Variants in LLGL1 observed in about 807,000 individuals in gnomAD.
LLGL1 encodes the protein lethal(2) giant larvae protein homolog 1.
In LLGL1, 58 loss-of-function variants were observed where a neutral mutation model predicts 110.6. The observed-to-expected ratio is 0.52, with a 90% confidence interval of 0.42 to 0.65. LLGL1 has a LOEUF of 0.65. Among genes scored for constraint, LLGL1 ranks in the 30% least tolerant of loss-of-function variants. The pLI is 0.00. For missense variants in LLGL1, 1,229 were observed against 1,462.1 expected (o/e 0.84, Z 2.60); for synonymous variants, 674 against 607.2 (o/e 1.11, Z -1.62).
intron 3 of LLGL1, 36 bp downstream of exon 3, chr17:18,232,612 G>T: frequency 6.2e-7 from 1 of 1,613,970 alleles, no homozygotes; most frequent in Non-Finnish European, 8.5e-7. Context: ...GCTCCCTGTG[G>T]CCCCCATATC....
Position 18,242,202 on chromosome 17 carries a change from T to C in LLGL1, c.2919T>C (p.Ala973=), listed in dbSNP as rs1019229880. Residue 973 remains alanine, a synonymous_variant, in exon 20 of 23, where the codon GCT becomes GCC. Coordinates refer to ENST00000316843, the MANE Select transcript of LLGL1 (RefSeq NM_004140.4). ...GAGAGTCACCCAAGCTGAGCCAGGC[T>C]AACGGGACCCCAAGCATCCTGCTGG... ...RIRESPKLSQ[A]NGTPSILLAP... 1.2e-5 allele frequency: 20 copies of C among 1,613,870 alleles called. No individual in the cohort carries two copies. Among genetic ancestry groups the C allele is most frequent in the Non-Finnish European group, 1.7e-5 (20 of 1,179,960 alleles).
In LLGL1 at chr17:18,234,281, G is replaced by A; in HGVS notation, c.723G>A (p.Glu241=). ...CCCCTGCCTGCCCGCAGCAGCTGGA[G>A]AGCCTATGCTGGGGGCGTGATAGCA... The part of the protein sequence containing the change: ...DHIFLGNQQL[E]SLCWGRDSST... The change falls in exon 7 of 23, where the codon GAG becomes GAA. Residue 241 remains glutamate (E), a synonymous_variant. Transcript: ENST00000316843. 6.2e-7 allele frequency: 1 copy of A among 1,603,100 alleles called. No homozygotes were observed. The highest frequency in any genetic ancestry group is 8.5e-7 in the Non-Finnish European group (1 of 1,175,036).
intron 4 of LLGL1, among the ~76,000 whole-genome samples, chr17:18,233,230 G>T (rs2047607988): frequency 6.6e-6 from 1 of 152,206 alleles, no homozygotes; most frequent in Non-Finnish European, 1.5e-5. Flanking sequence ...GCAGGGTTGA[G>T]GGCAAGGAGG....
intron 22 of LLGL1, among the ~76,000 whole-genome samples, chr17:18,243,318 A>G (rs1412790808): frequency 6.6e-6 from 1 of 152,166 alleles, no homozygotes; most frequent in East Asian, 1.9e-4. Flanking sequence ...TGTGTTAGCC[A>G]GGATGGTCTC....
rs1405743396 is a variant in LLGL1, at chr17:18,241,841, G to T, written c.2768-44G>T. The T allele has an allele frequency of 4.4e-6, 7 of 1,602,440 alleles. No homozygotes were observed. The South Asian group carries it at 7.7e-5, about 18-fold the overall frequency. ...CCCAGGCCACGGAGGAGCTGTGGTT[G>T]GTGGTATCTTCTAACTGCACTCCTC... is the stretch of plus-strand genomic sequence containing the variant. On this transcript the variant is annotated intron_variant, in intron 18 of 22. Transcript: ENST00000316843.
Position 18,232,776 on chromosome 17 carries a change from C to T in LLGL1, c.366C>T (p.Pro122=), listed in dbSNP as rs779103348. The T allele has an allele frequency of 2.7e-5, 43 of 1,613,936 alleles. No individual in the cohort carries two copies. The highest frequency in any genetic ancestry group is 3.5e-5 in the Non-Finnish European group (41 of 1,180,038). Residue 122 remains proline (P), a synonymous_variant, in exon 4 of 23, where the codon CCC becomes CCT. Transcript: ENST00000316843. ...HLEEALSFQL[P]SRPGFDGASA... ...AAGAAGCACTCAGTTTCCAGCTGCC[C>T]AGCCGGCCCGGCTTTGATGGTGCCA...
intron 1 of LLGL1, among the ~76,000 whole-genome samples, chr17:18,227,094 G>A (rs2047460335): frequency 6.6e-6 from 1 of 152,210 alleles, no homozygotes; most frequent in South Asian, 2.1e-4. Flanking sequence ...GCCCTGGGCT[G>A]CCTTGAGGAG....
chr17:18,226,028 G>C (rs2047432582), intron 1 of LLGL1, among the ~76,000 whole-genome samples: 2 of 152,028 alleles, frequency 1.3e-5, no homozygotes, highest in African/African-American at 4.8e-5. Context: ...CTGCCAGTCT[G>C]TGTGTGTGGG....
intron 10 of LLGL1, 31 bp downstream of exon 10, chr17:18,235,343 G>A: frequency 6.2e-7 from 1 of 1,607,950 alleles, no homozygotes; most frequent in Non-Finnish European, 8.5e-7. Context: ...GGTCTTACAG[G>A]GTGGAGTCTT....
In LLGL1 at chr17:18,242,789, G is replaced by A. The variant is rs149699735; in HGVS notation, c.3163G>A (p.Glu1055Lys). Residue 1055 changes from glutamate (E) to lysine (K), a missense_variant, in exon 22 of 23, where the codon GAG becomes AAG. Physicochemically the swap from Glu to Lys is moderately conservative, Grantham distance 56. Transcript: ENST00000316843. ...EKNLRNLAED[E>K]AHACAILIK is the part of the protein sequence containing the mutation. The stretch of plus-strand genomic sequence containing the variant: ...GAACCTGAGGAACCTGGCAGAAGAC[G>A]AGGCCCACGCCTGTGCCATCCTGAT... The A allele has an allele frequency of 6.3e-5, 99 of 1,563,602 alleles. No individual in the cohort carries two copies. The African/African-American group carries it at 1.1e-3, about 18-fold the overall frequency.
intron 13 of LLGL1, 85 bp from the exon 14 acceptor site, chr17:18,237,396 G>A: frequency 7.4e-7 from 1 of 1,347,250 alleles, no homozygotes; most frequent in South Asian, 1.5e-5. Flanking sequence ...GGTGGCTGGG[G>A]CTGCTTCAGA....
rs773912732 is a variant in LLGL1 at position 18,233,844 on chromosome 17, G to A, written c.459G>A (p.Leu153=). 4.3e-6 allele frequency: 7 copies of A among 1,613,612 alleles called. No individual in the cohort carries two copies. The East Asian group carries it at 1.6e-4, about 36-fold the overall frequency. ...TGGCTGCCAGCGACATAGCAGCCCTGGGCACTGAGGGCAGCAGTGTCTTCT... is the reference window on the plus strand; with the variant it reads ...TGGCTGCCAGCGACATAGCAGCCCTAGGCACTGAGGGCAGCAGTGTCTTCT... ...LLVAASDIAA[L]GTEGSSVFFL... Residue 153 remains leucine (L), a synonymous_variant, in exon 5 of 23, where the codon CTG becomes CTA. Coordinates refer to ENST00000316843, the MANE Select transcript of LLGL1 (RefSeq NM_004140.4).
At position 18,232,783 on chromosome 17, in the gene LLGL1, C is replaced by T. The variant is rs2047597535; in HGVS notation, c.373C>T (p.Pro125Ser). 6 of 1,613,878 alleles carry T rather than the reference C, an allele frequency of 3.7e-6. No individual in the cohort carries two copies. Among genetic ancestry groups the T allele is most frequent in the Non-Finnish European group, 5.1e-6 (6 of 1,180,026 alleles). Reference protein sequence around the residue: ...EALSFQLPSRPGFDGASAPLS... With the variant: ...EALSFQLPSRSGFDGASAPLS... ...ACTCAGTTTCCAGCTGCCCAGCCGG[C>T]CCGGCTTTGATGGTGCCAGGTACTG... The change falls in exon 4 of 23, where the codon CCC (proline) becomes TCC (serine). Residue 125 changes from proline to serine, a missense_variant. Physicochemically the swap from Pro to Ser is moderately conservative, Grantham distance 74. Coordinates refer to ENST00000316843, the MANE Select transcript of LLGL1 (RefSeq NM_004140.4).
chr17:18,226,066 C>T (rs181317415), intron 1 of LLGL1, among the ~76,000 whole-genome samples: 3 of 152,208 alleles, frequency 2.0e-5, no homozygotes, highest in East Asian at 3.9e-4. Flanking sequence ...CTTTGCCTGT[C>T]TCTGGGTCTC....
chr17:18,241,753 C>T (rs766908329), intron 18 of LLGL1, 38 bp downstream of exon 18: 9 of 1,607,924 alleles, frequency 5.6e-6, no homozygotes, highest in Non-Finnish European at 6.8e-6. Context: ...CTTCCTCAGG[C>T]GAGCGAACTG....
intron 10 of LLGL1, 25 bp from the exon 11 acceptor site, chr17:18,235,445 A>G (rs747100882): frequency 1.1e-5 from 17 of 1,613,658 alleles, no homozygotes; most frequent in Middle Eastern, 1.6e-4. Context: ...AACCTTGTGC[A>G]TACATCTCTG....
chr17:18,238,013 G>A (rs1186792438), intron 14 of LLGL1, 54 bp from the exon 15 acceptor site: 20 of 1,593,806 alleles, frequency 1.3e-5, no homozygotes, highest in Admixed American at 1.0e-4. Context: ...CAGGAGTGTG[G>A]TGGCTGCCCC....
At position 18,235,945 on chromosome 17, in the gene LLGL1, C is replaced by T. The variant is rs535212446; in HGVS notation, c.1352+408C>T. ...CCCGCCTGTGCTGGGACCCTCAGGCCTCTGACTCTGGTGTGCCCTTCCCTG... is the reference window on the plus strand; with the variant it reads ...CCCGCCTGTGCTGGGACCCTCAGGCTTCTGACTCTGGTGTGCCCTTCCCTG... On this transcript the variant is annotated intron_variant, in intron 11 of 22. Coordinates refer to ENST00000316843, the MANE Select transcript of LLGL1 (RefSeq NM_004140.4). The T allele has an allele frequency of 1.6e-4, 35 of 224,316 alleles. No homozygotes were observed. In the Admixed American group the frequency reaches 1.8e-3, roughly 11 times the overall value. 13.9% of individuals were successfully genotyped at this position (224,316 alleles called of 1,614,324 possible). A position where few individuals can be genotyped will look rare whatever the true frequency, so the allele number is the denominator to read the frequency against.
intron 22 of LLGL1, among the ~76,000 whole-genome samples, chr17:18,243,287 T>A (rs976822972): frequency 2.0e-5 from 3 of 152,124 alleles, no homozygotes; most frequent in Non-Finnish European, 4.4e-5. Flanking sequence ...TTTTGTGTTT[T>A]TAGTAGAGAC....
Sources: allele counts gnomAD v4.1 joint callset (sites outside exome capture counted in the v4.1 genomes callset), GRCh38; gene constraint gnomAD v4.1.1; transcripts MANE v1.5; gene names NCBI Gene and HGNC (gene_info 2026-07-23, HGNC 2026-07-21).